CSMD1: variants seen among roughly 807,000 people sequenced by gnomAD.
CSMD1 encodes the protein CUB and Sushi multiple domains 1.
Under a neutral mutation model 417.5 loss-of-function variants are expected in CSMD1, and 213 were observed. The ratio of observed to expected loss-of-function variants is 0.51; its 90% CI spans 0.46 to 0.57. The LOEUF is 0.57. Ranked by LOEUF, CSMD1 falls within the 20% of genes least tolerant of loss-of-function variation. The pLI is 0.00. For synonymous variants in CSMD1, 2,862 were observed against 1,736.8 expected, an observed-to-expected ratio of 1.65 and a Z score of -16.11; for missense variants, 6,923 against 4,529.7, an observed-to-expected ratio of 1.53 and a Z score of -15.17.
At chr8:3,022,998 T>C (rs1809563810) in intron 51 of CSMD1, among the ~76,000 whole-genome samples, 1 of 152,228 alleles carries the variant, frequency 6.6e-6, no homozygotes, top group African/African-American at 2.4e-5. Context: ...TGATGTTAGC[T>C]GGGCATTGAC....
intron 26 of CSMD1, among the ~76,000 whole-genome samples, chr8:3,265,007 C>A (rs975655985): frequency 2.0e-5 from 3 of 152,148 alleles, no homozygotes; most frequent in African/African-American, 7.2e-5. Flanking sequence ...ATTTTAACCA[C>A]CTCTGTGAGA....
chr8:4,511,760 C>A (rs1208131943), intron 2 of CSMD1, among the ~76,000 whole-genome samples: 9 of 152,152 alleles, frequency 5.9e-5, no homozygotes, highest in African/African-American at 2.2e-4. Context: ...GGGGCCCATT[C>A]ATGACATTAG....
intron 10 of CSMD1, among the ~76,000 whole-genome samples, chr8:3,563,750 G>T (rs35863480): frequency 0.29 from 43,575 of 151,876 alleles, 6,554 homozygotes; most frequent in Middle Eastern, 0.41. Flanking sequence ...TTAGCTAGGT[G>T]TGGTGGTAGG....
At chr8:4,757,660 T>C (rs1226723024) in intron 1 of CSMD1, among the ~76,000 whole-genome samples, 3 of 152,102 alleles carry the variant, frequency 2.0e-5, no homozygotes, top group Non-Finnish European at 4.4e-5. Context: ...CATAATTTTG[T>C]GTAAAAAGCG....
intron 10 of CSMD1, among the ~76,000 whole-genome samples, chr8:3,570,534 G>C (rs1331015811): frequency 1.4e-5 from 2 of 145,600 alleles, no homozygotes; most frequent in Admixed American, 7.1e-5. Flanking sequence ...CTTGAGAACT[G>C]AGGGGAAATA....
intron 7 of CSMD1, among the ~76,000 whole-genome samples, chr8:3,682,943 A>C (rs1371983542): frequency 6.6e-6 from 1 of 152,184 alleles, no homozygotes; most frequent in African/African-American, 2.4e-5. Flanking sequence ...ATCTATCGCA[A>C]GGACCAAAAA....
chr8:3,214,474 A>G, intron 30 of CSMD1, 23 bp downstream of exon 30: 1 of 1,504,098 alleles, frequency 6.6e-7, no homozygotes, highest in Non-Finnish European at 8.9e-7. Flanking sequence ...GTATTTCTAG[A>G]AAATACCCAA....
Position 4,461,694 on chromosome 8 carries a change from G to C in CSMD1, c.303-41629C>G, listed in dbSNP as rs999819764. ...GCCTGCTGTATAGCTGGGGCCATGG[G>C]CAAACACCACCATAGCCAGCTCATC... On this transcript the variant is annotated intron_variant, in intron 2 of 69. Coordinates refer to ENST00000635120, the MANE Select transcript of CSMD1 (RefSeq NM_033225.6). 2.0e-5 allele frequency among the ~76,000 whole-genome samples: 3 copies of C among 151,142 alleles called. No homozygotes were observed. The East Asian group carries it at 5.9e-4, about 30-fold the overall frequency.
intron 1 of CSMD1, among the ~76,000 whole-genome samples, chr8:4,774,288 A>T (rs1796737690): frequency 6.6e-6 from 1 of 152,204 alleles, no homozygotes; most frequent in Non-Finnish European, 1.5e-5. Flanking sequence ...GTGCAGTTTG[A>T]ATCTTACTTT....
chr8:4,497,997 G>C (rs966171972), intron 2 of CSMD1, among the ~76,000 whole-genome samples: 2 of 152,140 alleles, frequency 1.3e-5, no homozygotes, highest in South Asian at 2.1e-4. Flanking sequence ...AAAATGACAA[G>C]TACAGTAAAC....
intron 5 of CSMD1, among the ~76,000 whole-genome samples, chr8:3,994,502 T>C (rs1431675865): frequency 6.7e-6 from 1 of 149,610 alleles, no homozygotes; most frequent in African/African-American, 2.4e-5. Context: ...CACAAATCCT[T>C]CCTAATTGCA....
chr8:4,811,307 A>T (rs1458180491), intron 1 of CSMD1, among the ~76,000 whole-genome samples: 1 of 152,188 alleles, frequency 6.6e-6, no homozygotes, highest in Non-Finnish European at 1.5e-5. Flanking sequence ...ATTAATTGGG[A>T]ATATTGACTC....
intron 8 of CSMD1, among the ~76,000 whole-genome samples, chr8:3,599,620 T>C (rs895424475): frequency 6.6e-6 from 1 of 152,244 alleles, no homozygotes; most frequent in Non-Finnish European, 1.5e-5. Context: ...CTTCATGCTA[T>C]ACATCAGATC....
At chr8:4,227,709 A>G (rs1427078658) in intron 3 of CSMD1, among the ~76,000 whole-genome samples, 9 of 151,854 alleles carry the variant, frequency 5.9e-5, no homozygotes, top group Non-Finnish European at 1.2e-4. Flanking sequence ...ACCTGGAGAC[A>G]CACCCTCCAC....
At chr8:4,719,243 G>A (rs1201693540) in intron 1 of CSMD1, among the ~76,000 whole-genome samples, 2 of 152,156 alleles carry the variant, frequency 1.3e-5, no homozygotes, top group Admixed American at 6.6e-5. Flanking sequence ...TTTAGATTTT[G>A]CATTTTGTGC....
Position 4,338,033 on chromosome 8 carries a change from A to G in CSMD1, c.415+81920T>C, listed in dbSNP as rs1041966877. Among the ~76,000 whole-genome samples the G allele has an allele frequency of 4.6e-5, 7 of 152,152 alleles. 1 individual carries two copies. Among genetic ancestry groups the G allele is most frequent in the Non-Finnish European group, 1.0e-4 (7 of 68,014 alleles). On this transcript the variant is annotated intron_variant, in intron 3 of 69. Transcript: ENST00000635120. ...GTTCTGAGTGGAAATGCAAAGATTT[A>G]TTCCAAGAATCTGCTTCAATAAAGC...
chr8:3,561,162 T>C (rs1799451730), intron 10 of CSMD1, among the ~76,000 whole-genome samples: 1 of 152,180 alleles, frequency 6.6e-6, no homozygotes, highest in Admixed American at 6.5e-5. Flanking sequence ...GGCAAGGATG[T>C]GCAGAAAGCA....
chr8:4,954,677 G>T (rs914807419), intron 1 of CSMD1, among the ~76,000 whole-genome samples: 1 of 152,148 alleles, frequency 6.6e-6, no homozygotes, highest in Non-Finnish European at 1.5e-5. Flanking sequence ...TCATGTGTGT[G>T]AATGTTCCTT....
chr8:3,450,245 T>G (rs980497786), intron 12 of CSMD1, among the ~76,000 whole-genome samples: 1 of 152,152 alleles, frequency 6.6e-6, no homozygotes, highest in African/African-American at 2.4e-5. Flanking sequence ...GGTCTTTCTC[T>G]GTCATGACCT....
Sources: gnomAD v4.1 joint callset for allele counts (sites outside exome capture counted in the v4.1 genomes callset) on GRCh38, gnomAD v4.1.1 for gene constraint, MANE v1.5 for transcripts, NCBI Gene and HGNC (gene_info 2026-07-23, HGNC 2026-07-21) for gene names.